ZMYND8: variants seen among roughly 807,000 people sequenced by gnomAD.
ZMYND8 encodes the protein zinc finger MYND-type containing 8, also known as MYND-type zinc finger-containing chromatin reader ZMYND8.
In ZMYND8, 37 loss-of-function variants were observed where a neutral mutation model predicts 140.8. That is an observed-to-expected ratio of 0.26 (90% CI 0.20 to 0.35). ZMYND8 has a LOEUF of 0.35. Among genes scored for constraint, ZMYND8 ranks in the 10% least tolerant of loss-of-function variants. The pLI is 1.00. For synonymous variants in ZMYND8, 592 were observed against 597.1 expected, an observed-to-expected ratio of 0.99 and a Z score of 0.12; for missense variants, 1,068 against 1,570.0, an observed-to-expected ratio of 0.68 and a Z score of 5.40.
At chr20:47,331,329 G>A (rs2080921406) in intron 2 of ZMYND8, among the ~76,000 whole-genome samples, 1 of 152,158 alleles carries the variant, frequency 6.6e-6, no homozygotes, top group Non-Finnish European at 1.5e-5. Context: ...TTGAAGTGGA[G>A]TGACATTTAG....
At position 47,239,026 on chromosome 20, in the gene ZMYND8, G is replaced by T; in HGVS notation, c.2397C>A (p.Thr799=). ...QTSAAGATAT[T]STSSTVTVTA... ...TGACGGTGACCGTGGAGGACGTGCT[G>T]GTGGTGGCTGTGGCGCCAGCCGCGG... The change falls in exon 15 of 23, where the codon ACC becomes ACA. Residue 799 remains threonine, a synonymous_variant. Coordinates refer to ENST00000471951, the MANE Select transcript of ZMYND8 (RefSeq NM_001281775.3). The T allele has an allele frequency of 6.3e-7, 1 of 1,593,382 alleles. No individual in the cohort carries two copies. The highest frequency in any genetic ancestry group is 8.6e-7 in the Non-Finnish European group (1 of 1,166,654).
intron 2 of ZMYND8, 28 bp downstream of exon 2, chr20:47,347,828 G>C: frequency 6.2e-7 from 1 of 1,609,516 alleles, no homozygotes. Flanking sequence ...CTTAGCTCTA[G>C]AATAGATAAT....
intron 11 of ZMYND8, among the ~76,000 whole-genome samples, chr20:47,275,264 G>T (rs980932482): frequency 2.6e-5 from 4 of 152,180 alleles, no homozygotes; most frequent in African/African-American, 9.7e-5. Context: ...GCCCAAGGCG[G>T]GTGGATCACT....
At position 47,259,440 on chromosome 20, in the gene ZMYND8, G is replaced by T. The variant is rs565995576; in HGVS notation, c.1621+2848C>A. On this transcript the variant is annotated intron_variant, in intron 12 of 22. Transcript: ENST00000471951. ...AGCCCTGCTGCCTCTGGGATCCTGG[G>T]CACCCCATGCCTCCTCTCCAGACCT... Among the ~76,000 whole-genome samples, 22 of 152,242 alleles carry T rather than the reference G, an allele frequency of 1.4e-4. 1 individual carries two copies. In the East Asian group the frequency reaches 3.9e-3, roughly 27 times the overall value.
intron 11 of ZMYND8, among the ~76,000 whole-genome samples, chr20:47,271,081 GA>G (rs199939748): frequency 2.8e-5 from 4 of 144,740 alleles, no homozygotes; most frequent in Non-Finnish European, 3.1e-5. Flanking sequence ...CGTCTAAAAA[GA>G]AAAAAAAAAG....
intron 11 of ZMYND8, 81 bp downstream of exon 11, chr20:47,276,233 G>A: frequency 6.9e-7 from 1 of 1,454,322 alleles, no homozygotes; most frequent in Non-Finnish European, 9.0e-7. Context: ...ATGCTCACCT[G>A]CTTGGGCCCA....
intron 2 of ZMYND8, among the ~76,000 whole-genome samples, chr20:47,323,490 T>C (rs1303165728): frequency 6.6e-6 from 1 of 152,098 alleles, no homozygotes; most frequent in East Asian, 1.9e-4. Flanking sequence ...CCTCTCAAAG[T>C]ACTAGGACTA....
chr20:47,307,114 C>T (rs1251517128), intron 3 of ZMYND8, among the ~76,000 whole-genome samples: 2 of 152,062 alleles, frequency 1.3e-5, no homozygotes, highest in Non-Finnish European at 2.9e-5. Flanking sequence ...GTGATCAGGG[C>T]CCTGCCCTCA....
At chr20:47,220,421 C>T in intron 20 of ZMYND8, 97 bp from the exon 21 acceptor site, 1 of 997,268 alleles carries the variant, frequency 1.0e-6, no homozygotes, top group South Asian at 1.4e-5. Flanking sequence ...TCATCGCTGC[C>T]CCCAAAGCAT....
intron 18 of ZMYND8, among the ~76,000 whole-genome samples, chr20:47,226,371 G>A (rs886347988): frequency 9.9e-5 from 15 of 152,148 alleles, no homozygotes; most frequent in African/African-American, 9.7e-5. Context: ...CTGATACTAC[G>A]TGAGGGGCTG....
At chr20:47,304,969 G>A (rs1406770957) in intron 3 of ZMYND8, among the ~76,000 whole-genome samples, 1 of 152,138 alleles carries the variant, frequency 6.6e-6, no homozygotes, top group African/African-American at 2.4e-5. Context: ...TGGGCCTAGT[G>A]CAGTGGTTCA....
chr20:47,224,503 T>C lies in ZMYND8; in HGVS notation c.3070A>G (p.Ile1024Val). 1 of 1,614,202 alleles carries C rather than the reference T, an allele frequency of 6.2e-7. No individual in the cohort carries two copies. The highest frequency in any genetic ancestry group is 8.5e-7 in the Non-Finnish European group (1 of 1,180,048). The change falls in exon 19 of 23, where the codon ATC becomes GTC. Residue 1024 changes from isoleucine to valine, a missense_variant. Ile to Val is a conservative substitution (Grantham distance 29, BLOSUM62 3). Around this residue, in one of 10 missense-constraint regions of ZMYND8, gnomAD observed 87 missense variants for 151.1 expected, o/e 0.58. Coordinates refer to ENST00000471951, the MANE Select transcript of ZMYND8 (RefSeq NM_001281775.3). ...QSLEQERDRL[I>V]AEVKKQLELE... ...TCCAGCTGCTTCTTCACCTCGGCGATGAGCCGGTCCCGCTCCTGCTCCAGG... is the reference window on the plus strand; with the variant it reads ...TCCAGCTGCTTCTTCACCTCGGCGACGAGCCGGTCCCGCTCCTGCTCCAGG...
intron 21 of ZMYND8, among the ~76,000 whole-genome samples, chr20:47,220,045 A>G (rs994909834): frequency 2.6e-5 from 4 of 152,216 alleles, no homozygotes; most frequent in African/African-American, 9.6e-5. Flanking sequence ...CAGTAAATAC[A>G]ATAGGTAATA....
intron 12 of ZMYND8, 144 bp downstream of exon 12, chr20:47,262,144 C>T: frequency 1.7e-6 from 2 of 1,154,380 alleles, no homozygotes; most frequent in Non-Finnish European, 2.5e-6. Context: ...CAGATCTTTT[C>T]TCACCTTCAT....
At position 47,212,720 on chromosome 20, in the gene ZMYND8, T is replaced by G; in HGVS notation, c.3490A>C (p.Lys1164Gln). 1 of 1,611,724 alleles carries G rather than the reference T, an allele frequency of 6.2e-7. No homozygotes were observed. Among genetic ancestry groups the G allele is most frequent in the Non-Finnish European group, 8.5e-7 (1 of 1,178,348 alleles). Residue 1164 changes from lysine to glutamine, a missense_variant, in exon 22 of 23, where the codon AAA becomes CAA. Lys to Gln is a moderately conservative substitution (Grantham distance 53, BLOSUM62 1). Around this residue, in one of 10 missense-constraint regions of ZMYND8, gnomAD observed 180 missense variants for 187.8 expected, o/e 0.96. Transcript: ENST00000471951. ...TAGGCAGGTTGCTTGTCACACCTTT[T>G]GCTAACTGAAGAGATAGCACAGGTA... ...LLGSNQGSVS[K>Q]RCDKQPAYAP...
At chr20:47,278,529 A>C (rs1328978760) in intron 10 of ZMYND8, among the ~76,000 whole-genome samples, 4 of 152,204 alleles carry the variant, frequency 2.6e-5, no homozygotes, top group Non-Finnish European at 5.9e-5. Flanking sequence ...CCATTTCAAC[A>C]GTTGGCATCT....
At chr20:47,212,596 C>T in intron 22 of ZMYND8, 46 bp downstream of exon 22, 5 of 1,600,570 alleles carry the variant, frequency 3.1e-6, no homozygotes, top group Non-Finnish European at 4.3e-6. Flanking sequence ...CTTCTGCATA[C>T]CAGGAAGAAG....
chr20:47,321,936 T>C (rs969419623), intron 2 of ZMYND8, among the ~76,000 whole-genome samples: 29 of 148,748 alleles, frequency 1.9e-4, no homozygotes, highest in Admixed American at 1.8e-3. Context: ...TCTGGGCTCA[T>C]TGCAACCTCA....
intron 13 of ZMYND8, among the ~76,000 whole-genome samples, chr20:47,247,893 C>T (rs114336381): frequency 0.011 from 1,696 of 152,306 alleles, 30 homozygotes; most frequent in African/African-American, 0.039. Flanking sequence ...AGAAGAACTG[C>T]TTGAACCCAG....
Sources: allele counts gnomAD v4.1 joint callset (sites outside exome capture counted in the v4.1 genomes callset), GRCh38; gene constraint gnomAD v4.1.1; regional missense constraint gnomAD v4.1.1; transcripts MANE v1.5; gene names NCBI Gene and HGNC (gene_info 2026-07-23, HGNC 2026-07-21).